XKR9: variants seen among roughly 807,000 people sequenced by gnomAD.
XKR9 encodes XK-related protein 9.
XKR9 carries 32 observed loss-of-function variants against 32.0 expected under a neutral mutation model. That is an observed-to-expected ratio of 1.00 (90% CI 0.76 to 1.34). XKR9 has a LOEUF of 1.34. XKR9 is among the 40% of genes most tolerant of loss of function. The pLI is 0.00. For missense variants in XKR9, 546 were observed against 429.7 expected (o/e 1.27, Z -2.39); for synonymous variants, 168 against 143.4 (o/e 1.17, Z -1.22).
chr8:71,046,150 A>G, the XKR9 span, among the ~76,000 whole-genome samples: 2 of 152,210 alleles, frequency 1.3e-5, no homozygotes, highest in Non-Finnish European at 2.9e-5. Flanking sequence ...ATAAAAACCA[A>G]TATCTCACTA....
At chr8:70,885,891 C>T in the XKR9 span, among the ~76,000 whole-genome samples, 66 of 151,506 alleles carry the variant, frequency 4.4e-4, no homozygotes, top group Admixed American at 1.6e-3. Flanking sequence ...CCATTGCGCC[C>T]GGACTTTTTT....
intron 4 of XKR9, among the ~76,000 whole-genome samples, chr8:70,724,098 C>A (rs576988090): frequency 6.6e-6 from 1 of 152,240 alleles, no homozygotes; most frequent in South Asian, 2.1e-4. Flanking sequence ...GAGAAGGAAT[C>A]TAGAGAGGCA....
chr8:70,743,118 C>G (rs1301883577), intron 2 of XKR9, among the ~76,000 whole-genome samples: 3 of 151,908 alleles, frequency 2.0e-5, no homozygotes, highest in Non-Finnish European at 4.4e-5. Flanking sequence ...TTTCTCTGTT[C>G]TTTAGATTGG....
the XKR9 span, among the ~76,000 whole-genome samples, chr8:70,890,870 G>A: frequency 6.6e-6 from 1 of 151,830 alleles, no homozygotes; most frequent in African/African-American, 2.4e-5. Flanking sequence ...AAAAAGTCTT[G>A]GTATTAGTTC....
At chr8:70,769,645 C>CT (rs1305759427) in intron 2 of XKR9, among the ~76,000 whole-genome samples, 1 of 151,830 alleles carries the variant, frequency 6.6e-6, no homozygotes, top group African/African-American at 2.4e-5. Flanking sequence ...CCTTTTCATT[C>CT]TTTTTTCTCT....
chr8:71,036,461 C>T, the XKR9 span, among the ~76,000 whole-genome samples: 1 of 151,872 alleles, frequency 6.6e-6, no homozygotes, highest in Non-Finnish European at 1.5e-5. Flanking sequence ...GAAAAAAAAC[C>T]TTCTTTTTTT....
At chr8:70,697,339 T>C (rs1188203924) in intron 3 of XKR9, among the ~76,000 whole-genome samples, 1 of 151,356 alleles carries the variant, frequency 6.6e-6, no homozygotes, top group Non-Finnish European at 1.5e-5. Flanking sequence ...ATAGCTCTTA[T>C]TATTTTGAGA....
At chr8:70,781,368 G>A (rs933280958) in intron 2 of XKR9, among the ~76,000 whole-genome samples, 2 of 151,852 alleles carry the variant, frequency 1.3e-5, no homozygotes, top group Non-Finnish European at 2.9e-5. Flanking sequence ...GATTTTGTGG[G>A]TTGTCTTTTT....
chr8:70,684,482 G>A (rs1424049727), intron 3 of XKR9, among the ~76,000 whole-genome samples: 4 of 151,758 alleles, frequency 2.6e-5, no homozygotes, highest in African/African-American at 4.8e-5. Flanking sequence ...ATACACATAA[G>A]CATACATAAT....
chr8:70,979,794 C>T, the XKR9 span, among the ~76,000 whole-genome samples: 953 of 152,274 alleles, frequency 6.3e-3, 6 homozygotes, highest in Non-Finnish European at 8.7e-3. Context: ...TCTTCAGAGC[C>T]GTCAGATAGG....
At chr8:70,699,833 A>G (rs1479052526) in intron 3 of XKR9, among the ~76,000 whole-genome samples, 1 of 152,044 alleles carries the variant, frequency 6.6e-6, no homozygotes, top group African/African-American at 2.4e-5. Flanking sequence ...TCAGATGTAG[A>G]TTTGGTCTTT....
At chr8:70,872,409 C>T in the XKR9 span, among the ~76,000 whole-genome samples, 1 of 152,162 alleles carries the variant, frequency 6.6e-6, no homozygotes, top group Non-Finnish European at 1.5e-5. Context: ...GGAAAGAAGC[C>T]ATTTCCATTA....
At chr8:70,670,519 T>TAA (rs200848537) in intron 1 of XKR9, 1 of 147,294 alleles carries the variant, frequency 6.8e-6, no homozygotes, top group African/African-American at 2.6e-5. Flanking sequence ...CTTTTTTTTT[T>TAA]TAAAAAAAGG....
chr8:70,765,105 C>G (rs963575385), intron 2 of XKR9, among the ~76,000 whole-genome samples: 20 of 152,098 alleles, frequency 1.3e-4, no homozygotes, highest in African/African-American at 4.8e-4. Flanking sequence ...TGGGAATATA[C>G]CCAGTAATGG....
chr8:70,700,760 TTTG>T (rs1272573505), intron 3 of XKR9, among the ~76,000 whole-genome samples: 2 of 152,158 alleles, frequency 1.3e-5, no homozygotes, highest in African/African-American at 4.8e-5. Flanking sequence ...CTGCTGTCTT[TTTG>T]TTTGTCTGTG....
intron 4 of XKR9, among the ~76,000 whole-genome samples, chr8:70,722,297 T>C (rs1750927308): frequency 6.6e-6 from 1 of 152,198 alleles, no homozygotes; most frequent in African/African-American, 2.4e-5. Context: ...CCCATTTACA[T>C]TTAAGGTTAA....
At chr8:70,998,650 G>T in the XKR9 span, among the ~76,000 whole-genome samples, 2 of 152,310 alleles carry the variant, frequency 1.3e-5, no homozygotes, top group African/African-American at 4.8e-5. Context: ...AGAATTTGCT[G>T]GAGAAGCTTG....
the XKR9 span, among the ~76,000 whole-genome samples, chr8:70,857,133 C>A: frequency 2.0e-5 from 3 of 152,056 alleles, no homozygotes; most frequent in Admixed American, 6.6e-5. Flanking sequence ...CAGGGCAGAA[C>A]TGAAGGAAAT....
At chr8:70,998,876 G>T in the XKR9 span, among the ~76,000 whole-genome samples, 1 of 152,182 alleles carries the variant, frequency 6.6e-6, no homozygotes, top group Non-Finnish European at 1.5e-5. Context: ...GTCTGTGGAA[G>T]ATTGATTCCA....
Sources: allele counts gnomAD v4.1 joint callset (sites outside exome capture counted in the v4.1 genomes callset), GRCh38; gene constraint gnomAD v4.1.1; transcripts MANE v1.5; gene names NCBI Gene and HGNC (gene_info 2026-07-23, HGNC 2026-07-21).